UMAD1: variants seen among roughly 807,000 people sequenced by gnomAD.
The protein encoded by UMAD1 is UBAP1-MVB12-associated (UMA) domain containing 1.
Under a neutral mutation model 6.1 loss-of-function variants are expected in UMAD1, and 8 were observed. The observed-to-expected ratio is 1.30, with a 90% CI of 0.76 to 2.35. The LOEUF is 2.35. Among genes scored for constraint, UMAD1 ranks in the 30% most tolerant of loss-of-function variants. The pLI is 0.00. For missense variants in UMAD1, 130 were observed against 78.4 expected (o/e 1.66, Z -2.49); for synonymous variants, 56 against 31.4 (o/e 1.78, Z -2.61).
intron 2 of UMAD1, among the ~76,000 whole-genome samples, chr7:7,686,562 A>G (rs1034239465): frequency 2.0e-5 from 3 of 152,230 alleles, no homozygotes; most frequent in Non-Finnish European, 4.4e-5. Flanking sequence ...GCATGCACGT[A>G]TACTCATACG....
intron 2 of UMAD1, among the ~76,000 whole-genome samples, chr7:7,779,291 TAA>T (rs397687379): frequency 7.9e-5 from 12 of 152,258 alleles, no homozygotes; most frequent in Non-Finnish European, 1.5e-4. Flanking sequence ...ATCTTTTTTT[TAA>T]AAAGAGATAG....
At chr7:7,727,159 A>G (rs1781154763) in intron 2 of UMAD1, among the ~76,000 whole-genome samples, 1 of 152,226 alleles carries the variant, frequency 6.6e-6, no homozygotes, top group South Asian at 2.1e-4. Context: ...CTACAACCAC[A>G]TGACCAGTTG....
At chr7:7,694,777 C>T (rs1003737252) in intron 2 of UMAD1, among the ~76,000 whole-genome samples, 3 of 152,102 alleles carry the variant, frequency 2.0e-5, no homozygotes, top group African/African-American at 4.8e-5. Flanking sequence ...TTTCTTCATC[C>T]ATTCATCTTT....
intron 2 of UMAD1, among the ~76,000 whole-genome samples, chr7:7,789,548 T>C (rs1380242631): frequency 6.6e-6 from 1 of 152,196 alleles, no homozygotes; most frequent in Non-Finnish European, 1.5e-5. Flanking sequence ...GTAAGTACAT[T>C]CTCATTGTTG....
At chr7:7,678,460 A>AAT (rs545168491) in intron 2 of UMAD1, among the ~76,000 whole-genome samples, 4 of 142,298 alleles carry the variant, frequency 2.8e-5, no homozygotes, top group East Asian at 2.0e-4. Flanking sequence ...TTATATAATA[A>AAT]ATATATATTT....
intron 1 of UMAD1, among the ~76,000 whole-genome samples, chr7:7,647,174 C>T (rs141733043): frequency 2.0e-5 from 3 of 152,280 alleles, no homozygotes; most frequent in Admixed American, 2.0e-4. Flanking sequence ...ACATTTCCCA[C>T]AAGTTTTTAT....
intron 2 of UMAD1, among the ~76,000 whole-genome samples, chr7:7,761,872 T>C (rs1354519830): frequency 1.3e-5 from 2 of 152,228 alleles, no homozygotes; most frequent in African/African-American, 4.8e-5. Context: ...CTTTTCTTTC[T>C]ATTCTGAACG....
At chr7:7,704,853 G>A (rs1003962717) in intron 2 of UMAD1, among the ~76,000 whole-genome samples, 2 of 150,706 alleles carry the variant, frequency 1.3e-5, no homozygotes, top group African/African-American at 4.9e-5. Flanking sequence ...TCACAAAAGG[G>A]TCATCAATTG....
At chr7:7,769,328 T>C (rs942880226) in intron 2 of UMAD1, among the ~76,000 whole-genome samples, 1 of 152,210 alleles carries the variant, frequency 6.6e-6, no homozygotes, top group Non-Finnish European at 1.5e-5. Context: ...GTTCTTTTTT[T>C]TAAGTTTTGG....
chr7:7,831,561 T>C (rs74424471), intron 3 of UMAD1, among the ~76,000 whole-genome samples: 1,775 of 152,252 alleles, frequency 0.012, 38 homozygotes, highest in African/African-American at 0.04. Context: ...TTAGGCTCTT[T>C]TTTGTTGATT....
intron 2 of UMAD1, among the ~76,000 whole-genome samples, chr7:7,769,832 G>T (rs113793656): frequency 6.6e-6 from 1 of 152,226 alleles, no homozygotes; most frequent in East Asian, 1.9e-4. Context: ...TGAGCTAAAT[G>T]GATAAAAGTA....
At chr7:7,712,015 T>G (rs1382909902) in intron 2 of UMAD1, among the ~76,000 whole-genome samples, 1 of 152,128 alleles carries the variant, frequency 6.6e-6, no homozygotes, top group South Asian at 2.1e-4. Flanking sequence ...TTCATCTTCT[T>G]TTCTTCACGT....
intron 3 of UMAD1, among the ~76,000 whole-genome samples, chr7:7,815,277 A>G (rs1783104245): frequency 6.6e-6 from 1 of 152,180 alleles, no homozygotes; most frequent in Non-Finnish European, 1.5e-5. Context: ...TGGTGAGTCA[A>G]TATGTAATAT....
At chr7:7,765,931 T>C (rs10085396) in intron 2 of UMAD1, among the ~76,000 whole-genome samples, 45,852 of 152,022 alleles carry the variant, frequency 0.3, 8,729 homozygotes, top group African/African-American at 0.55. Flanking sequence ...AATTTCTTAG[T>C]CAACAAAGTA....
intron 2 of UMAD1, chr7:7,692,485 A>C (rs1780194977): frequency 6.6e-6 from 1 of 152,246 alleles, no homozygotes; most frequent in Non-Finnish European, 1.5e-5. Context: ...ATTTATATTC[A>C]TACAGTCTTT....
At chr7:7,654,049 A>G (rs756342587) in intron 1 of UMAD1, among the ~76,000 whole-genome samples, 4 of 152,216 alleles carry the variant, frequency 2.6e-5, no homozygotes, top group Non-Finnish European at 4.4e-5. Flanking sequence ...CATATTGTGA[A>G]TAAGAAGCAG....
chr7:7,671,763 C>T (rs1313284722), intron 1 of UMAD1, among the ~76,000 whole-genome samples: 2 of 151,840 alleles, frequency 1.3e-5, no homozygotes, highest in Non-Finnish European at 2.9e-5. Flanking sequence ...CATTAGAGGC[C>T]ATCTCTCCTT....
At chr7:7,766,241 TTAC>T (rs1484185375) in intron 2 of UMAD1, among the ~76,000 whole-genome samples, 1 of 152,226 alleles carries the variant, frequency 6.6e-6, no homozygotes, top group Admixed American at 6.5e-5. Flanking sequence ...AAAATATATT[TTAC>T]TACAAGTTAT....
intron 2 of UMAD1, among the ~76,000 whole-genome samples, chr7:7,788,956 A>G (rs1303713166): frequency 3.9e-5 from 6 of 152,274 alleles, no homozygotes; most frequent in African/African-American, 1.2e-4. Context: ...CTAATACTTT[A>G]TATTTTAAAT....
Sources: allele counts gnomAD v4.1 joint callset (sites outside exome capture counted in the v4.1 genomes callset), GRCh38; gene constraint gnomAD v4.1.1; transcripts MANE v1.5; gene names NCBI Gene and HGNC (gene_info 2026-07-23, HGNC 2026-07-21).